The following KCNT2 variants were observed in gnomAD, a reference collection of about 807,000 sequenced individuals.
The protein encoded by KCNT2 is potassium channel subfamily T member 2.
Under a neutral mutation model 153.8 loss-of-function variants are expected in KCNT2, and 67 were observed. That is an observed-to-expected ratio of 0.44 (90% CI 0.36 to 0.53). The LOEUF is 0.53. Ranked by LOEUF, KCNT2 falls within the 20% of genes least tolerant of loss-of-function variation. The pLI is 0.00. For synonymous variants in KCNT2, 500 were observed against 458.8 expected, an observed-to-expected ratio of 1.09 and a Z score of -1.15; for missense variants, 975 against 1,354.8, an observed-to-expected ratio of 0.72 and a Z score of 4.40.
chr1:196,354,067 T>G (rs1666977974), intron 14 of KCNT2, among the ~76,000 whole-genome samples: 1 of 151,942 alleles, frequency 6.6e-6, no homozygotes, highest in South Asian at 2.1e-4. Context: ...CTGTATGTTT[T>G]TGTGAAATTC....
intron 26 of KCNT2, among the ~76,000 whole-genome samples, chr1:196,252,565 C>A (rs564302596): frequency 6.6e-6 from 1 of 151,736 alleles, no homozygotes; most frequent in African/African-American, 2.4e-5. Context: ...TATAGCCAGA[C>A]ATTTTTGCTT....
At chr1:196,513,117 A>T (rs779652362) in intron 1 of KCNT2, among the ~76,000 whole-genome samples, 58 of 152,290 alleles carry the variant, frequency 3.8e-4, no homozygotes, top group Non-Finnish European at 4.7e-4. Flanking sequence ...AAAAATTTAG[A>T]ATTAGTTTTA....
At chr1:196,361,226 A>C (rs1270726861) in intron 14 of KCNT2, among the ~76,000 whole-genome samples, 4 of 149,266 alleles carry the variant, frequency 2.7e-5, no homozygotes, top group Non-Finnish European at 6.0e-5. Flanking sequence ...CACACACACA[A>C]AGCATCCTAC....
intron 1 of KCNT2, among the ~76,000 whole-genome samples, chr1:196,565,799 G>A (rs1210671001): frequency 6.6e-6 from 1 of 151,632 alleles, no homozygotes; most frequent in Non-Finnish European, 1.5e-5. Context: ...GAATAGAATA[G>A]TGGTTACTAG....
chr1:196,319,218 T>C (rs1164696381), intron 20 of KCNT2, among the ~76,000 whole-genome samples: 2 of 151,776 alleles, frequency 1.3e-5, no homozygotes, highest in Non-Finnish European at 2.9e-5. Context: ...TTGTTATAGA[T>C]GACACAAAAC....
chr1:196,525,715 G>A (rs896854580), intron 1 of KCNT2, among the ~76,000 whole-genome samples: 6 of 152,180 alleles, frequency 3.9e-5, no homozygotes, highest in Admixed American at 6.5e-5. Context: ...CTGTTACGAG[G>A]CTGAAAGCCA....
At chr1:196,317,316 G>A (rs1662821302) in intron 20 of KCNT2, 1 of 442,920 alleles carries the variant, frequency 2.3e-6, no homozygotes, top group Admixed American at 2.4e-5. Flanking sequence ...ATGATAAGAG[G>A]GGCCAGGACC....
At position 196,576,268 on chromosome 1, in the gene KCNT2, G is replaced by GT. The variant is rs973750902; in HGVS notation, c.95+31946dup. On this transcript the variant is annotated intron_variant, in intron 1 of 27. Coordinates refer to ENST00000294725, the MANE Select transcript of KCNT2 (RefSeq NM_198503.5). ...ACAGATATATCAGAAACAAAAGCCA[G>GT]TTTTTTTGTTCCATTACTACCATTG... 3.4e-4 allele frequency among the ~76,000 whole-genome samples: 51 copies of GT among 151,940 alleles called. 1 individual carries two copies. The highest frequency in any genetic ancestry group is 3.3e-3 in the Admixed American group (50 of 15,224).
chr1:196,502,197 T>C (rs1436438593), intron 1 of KCNT2, among the ~76,000 whole-genome samples: 1 of 152,224 alleles, frequency 6.6e-6, no homozygotes, highest in East Asian at 1.9e-4. Flanking sequence ...CTACTCTATG[T>C]ACACAGAGAA....
intron 8 of KCNT2, among the ~76,000 whole-genome samples, chr1:196,430,105 T>G (rs1674002312): frequency 6.6e-6 from 1 of 150,674 alleles, no homozygotes; most frequent in African/African-American, 2.5e-5. Flanking sequence ...ATACCAAGTC[T>G]TTTCTTTTTC....
At chr1:196,524,264 G>T (rs1653880868) in intron 1 of KCNT2, among the ~76,000 whole-genome samples, 1 of 152,078 alleles carries the variant, frequency 6.6e-6, no homozygotes, top group South Asian at 2.1e-4. Flanking sequence ...TTTAGAACTG[G>T]ATTCTGATCA....
intron 12 of KCNT2, among the ~76,000 whole-genome samples, chr1:196,421,837 A>G (rs1673230946): frequency 6.6e-6 from 1 of 151,970 alleles, no homozygotes; most frequent in Non-Finnish European, 1.5e-5. Flanking sequence ...GCTGTGAGGG[A>G]AGGATCTGTT....
intron 12 of KCNT2, among the ~76,000 whole-genome samples, chr1:196,406,069 A>G (rs1671805807): frequency 6.6e-6 from 1 of 151,494 alleles, no homozygotes; most frequent in African/African-American, 2.4e-5. Flanking sequence ...CTCACAGTAG[A>G]TTGGACTCAA....
At chr1:196,335,263 A>G (rs1332089465) in intron 16 of KCNT2, among the ~76,000 whole-genome samples, 1 of 152,112 alleles carries the variant, frequency 6.6e-6, no homozygotes, top group Non-Finnish European at 1.5e-5. Flanking sequence ...ATATGTTCTG[A>G]GAAATCTACC....
At chr1:196,473,120 T>C (rs541134656) in intron 5 of KCNT2, among the ~76,000 whole-genome samples, 21 of 152,280 alleles carry the variant, frequency 1.4e-4, no homozygotes, top group South Asian at 1.2e-3. Flanking sequence ...CATATAACTC[T>C]TAAAGAGGCT....
intron 4 of KCNT2, among the ~76,000 whole-genome samples, chr1:196,481,265 CAT>C (rs1354847053): frequency 6.6e-6 from 1 of 151,982 alleles, no homozygotes; most frequent in African/African-American, 2.4e-5. Context: ...CTTTGAAAGA[CAT>C]GTGGAATGAG....
chr1:196,322,316 A>G (rs962150009), intron 19 of KCNT2, among the ~76,000 whole-genome samples: 5 of 151,926 alleles, frequency 3.3e-5, no homozygotes, highest in African/African-American at 1.2e-4. Flanking sequence ...CAGTTGCTTA[A>G]TATATAAAGA....
intron 8 of KCNT2, among the ~76,000 whole-genome samples, chr1:196,464,107 G>C (rs945476344): frequency 6.6e-6 from 1 of 151,614 alleles, no homozygotes; most frequent in Non-Finnish European, 1.5e-5. Flanking sequence ...CCTTAAGTTA[G>C]ATGAGAAAAC....
At chr1:196,551,600 A>C (rs1455688566) in intron 1 of KCNT2, among the ~76,000 whole-genome samples, 4 of 151,712 alleles carry the variant, frequency 2.6e-5, no homozygotes, top group African/African-American at 9.7e-5. Context: ...CTTCTAAATC[A>C]TCCATGAAAG....
Sources: gnomAD v4.1 joint callset for allele counts (sites outside exome capture counted in the v4.1 genomes callset) on GRCh38, gnomAD v4.1.1 for gene constraint, MANE v1.5 for transcripts, NCBI Gene and HGNC (gene_info 2026-07-23, HGNC 2026-07-21) for gene names.